Variants in ARHGAP6 observed in about 807,000 individuals in gnomAD.
ARHGAP6 encodes Rho GTPase activating protein 6.
ARHGAP6 carries 16 observed loss-of-function variants against 55.7 expected under a neutral mutation model. The observed-to-expected ratio is 0.29, with a 90% CI of 0.19 to 0.44. The LOEUF is 0.44. Ranked by LOEUF, ARHGAP6 falls within the 20% of genes least tolerant of loss-of-function variation. The pLI, the probability that ARHGAP6 is intolerant of heterozygous loss-of-function variation, is 1.00. For missense variants in ARHGAP6, 698 were observed against 808.9 expected, an observed-to-expected ratio of 0.86 and a Z score of 1.66; for synonymous variants, 382 against 360.9, an observed-to-expected ratio of 1.06 and a Z score of -0.66.
At chrX:11,384,182 C>A (rs149686851) in intron 1 of ARHGAP6, among the ~76,000 whole-genome samples, 2 of 111,877 alleles carry the variant, frequency 1.8e-5, no homozygotes, top group African/African-American at 6.5e-5. Context: ...TAAAACAACA[C>A]GATGTGCCCC....
chrX:11,354,319 CTCTCTCTCTATA>C (rs1311699022), intron 1 of ARHGAP6, among the ~76,000 whole-genome samples: 6 of 67,999 alleles, frequency 8.8e-5, no homozygotes, highest in African/African-American at 1.8e-4. Flanking sequence ...CTCTCTCTCT[CTCTCTCTCTATA>C]TATATATATA....
At chrX:11,400,229 C>T (rs1437192787) in intron 1 of ARHGAP6, among the ~76,000 whole-genome samples, 1 of 111,432 alleles carries the variant, frequency 9.0e-6, no homozygotes, top group East Asian at 2.8e-4. Flanking sequence ...GGTATGTGAA[C>T]TAGACCTCAA....
chrX:11,282,908 A>G (rs2047875639), intron 1 of ARHGAP6, among the ~76,000 whole-genome samples: 1 of 112,605 alleles, frequency 8.9e-6, no homozygotes, highest in African/African-American at 3.2e-5. Flanking sequence ...AAGAGACTCA[A>G]TACCACCTGT....
intron 1 of ARHGAP6, among the ~76,000 whole-genome samples, chrX:11,632,913 C>G (rs925628202): frequency 1.8e-5 from 2 of 111,948 alleles, no homozygotes; most frequent in African/African-American, 6.5e-5. Flanking sequence ...GAAGCCAGCT[C>G]ACACATGCCA....
At chrX:11,407,176 C>G (rs2147759859) in intron 1 of ARHGAP6, among the ~76,000 whole-genome samples, 1 of 111,398 alleles carries the variant, frequency 9.0e-6, no homozygotes, top group Non-Finnish European at 1.9e-5. Context: ...CCTAGGGAAC[C>G]ACCAATCTAT....
chrX:11,556,610 C>G (rs2051322325), intron 1 of ARHGAP6, among the ~76,000 whole-genome samples: 1 of 112,024 alleles, frequency 8.9e-6, no homozygotes, highest in South Asian at 3.7e-4. Flanking sequence ...AGGTGAGGCT[C>G]TTTGTGGAAT....
At chrX:11,275,729 C>T (rs1051277536) in intron 1 of ARHGAP6, among the ~76,000 whole-genome samples, 6 of 111,631 alleles carry the variant, frequency 5.4e-5, no homozygotes, top group African/African-American at 2.0e-4. Flanking sequence ...TTGGGCTTCA[C>T]CAAGCCTCAC....
At chrX:11,588,893 A>G (rs1304415743) in intron 1 of ARHGAP6, among the ~76,000 whole-genome samples, 1 of 111,826 alleles carries the variant, frequency 8.9e-6, no homozygotes, top group Non-Finnish European at 1.9e-5. Context: ...CCTGAATTGC[A>G]TGCTTTAAAA....
At chrX:11,550,801 A>G (rs1360301898) in intron 1 of ARHGAP6, among the ~76,000 whole-genome samples, 1 of 112,133 alleles carries the variant, frequency 8.9e-6, no homozygotes, top group Non-Finnish European at 1.9e-5. Context: ...CTCACAATAC[A>G]TATCATGAGA....
chrX:11,647,103 T>G (rs1360131769), intron 1 of ARHGAP6, among the ~76,000 whole-genome samples: 2 of 112,106 alleles, frequency 1.8e-5, no homozygotes, highest in Non-Finnish European at 3.8e-5. Flanking sequence ...ATACCATACT[T>G]TGTTCTCTAG....
intron 1 of ARHGAP6, among the ~76,000 whole-genome samples, chrX:11,515,567 G>A (rs1243274741): frequency 9.0e-6 from 1 of 111,575 alleles, no homozygotes; most frequent in Non-Finnish European, 1.9e-5. Context: ...AAAACCTATA[G>A]GCCATGGAAA....
chrX:11,635,218 C>T (rs1469294196), intron 1 of ARHGAP6, among the ~76,000 whole-genome samples: 3 of 111,796 alleles, frequency 2.7e-5, no homozygotes, highest in Admixed American at 1.9e-4. Context: ...GCAAGTTATA[C>T]GGAGGGGATT....
chrX:11,161,755 C>T (rs904565713), intron 9 of ARHGAP6, among the ~76,000 whole-genome samples: 2 of 112,197 alleles, frequency 1.8e-5, no homozygotes, highest in African/African-American at 6.5e-5. Flanking sequence ...TATTAACAGT[C>T]ATCCATTCGC....
chrX:11,506,087 A>G (rs1382116603), intron 1 of ARHGAP6, among the ~76,000 whole-genome samples: 1 of 111,141 alleles, frequency 9.0e-6, no homozygotes, highest in Non-Finnish European at 1.9e-5. Flanking sequence ...GATTACATCA[A>G]TTCTATGCAA....
chrX:11,268,910 A>C (rs914323819), intron 1 of ARHGAP6, among the ~76,000 whole-genome samples: 2 of 111,393 alleles, frequency 1.8e-5, no homozygotes, highest in Non-Finnish European at 3.8e-5. Flanking sequence ...CCCATGACAT[A>C]GGTGTAGCCA....
At chrX:11,268,960 C>T (rs1390104133) in intron 1 of ARHGAP6, among the ~76,000 whole-genome samples, 2 of 111,279 alleles carry the variant, frequency 1.8e-5, no homozygotes, top group African/African-American at 6.5e-5. Flanking sequence ...ATATAGCCAG[C>T]GTGAAAGGTT....
intron 1 of ARHGAP6, among the ~76,000 whole-genome samples, chrX:11,456,861 A>T (rs2050198453): frequency 8.9e-6 from 1 of 112,168 alleles, no homozygotes; most frequent in Admixed American, 9.5e-5. Context: ...ATATATAGTG[A>T]GTATTCAATA....
intron 1 of ARHGAP6, among the ~76,000 whole-genome samples, chrX:11,511,199 C>A (rs1352467950): frequency 1.8e-5 from 2 of 112,069 alleles, no homozygotes; most frequent in African/African-American, 6.5e-5. Context: ...TACAAGCCTG[C>A]TATTGTATCA....
intron 1 of ARHGAP6, among the ~76,000 whole-genome samples, chrX:11,315,508 C>T (rs1181871940): frequency 9.0e-6 from 1 of 111,347 alleles, no homozygotes; most frequent in Non-Finnish European, 1.9e-5. Context: ...GGTCGGGAAC[C>T]CCTGTTTTAG....
Sources: gnomAD v4.1 joint callset for allele counts (sites outside exome capture counted in the v4.1 genomes callset) on GRCh38, gnomAD v4.1.1 for gene constraint, MANE v1.5 for transcripts, NCBI Gene and HGNC (gene_info 2026-07-23, HGNC 2026-07-21) for gene names.